The following NDFIP2 variants were observed in gnomAD, a reference collection of about 807,000 sequenced individuals.
The protein encoded by NDFIP2 is NEDD4 family-interacting protein 2.
Under a neutral mutation model 36.0 loss-of-function variants are expected in NDFIP2, and 19 were observed. That is an observed-to-expected ratio of 0.53 (90% CI 0.37 to 0.77). The LOEUF (loss-of-function observed/expected upper bound fraction) is 0.77. Among genes scored for constraint, NDFIP2 ranks in the 30% least tolerant of loss-of-function variants. NDFIP2 has a pLI of 0.00. For synonymous variants in NDFIP2, 181 were observed against 167.7 expected (o/e 1.08, Z -0.61); for missense variants, 446 against 435.8 (o/e 1.02, Z -0.21).
chr13:79,518,409 A>G (rs1003362311), intron 1 of NDFIP2, among the ~76,000 whole-genome samples: 6 of 152,240 alleles, frequency 3.9e-5, no homozygotes, highest in African/African-American at 1.4e-4. Context: ...TTAAGTTATA[A>G]TACATTCACT....
At chr13:79,487,392 A>AATGAAT (rs1873045784) in intron 1 of NDFIP2, among the ~76,000 whole-genome samples, 1 of 152,160 alleles carries the variant, frequency 6.6e-6, no homozygotes, top group Admixed American at 6.5e-5. Context: ...GTATAAATCG[A>AATGAAT]ATGAATACAC....
intron 1 of NDFIP2, among the ~76,000 whole-genome samples, chr13:79,487,302 T>C (rs1234805826): frequency 6.6e-6 from 1 of 152,230 alleles, no homozygotes; most frequent in Non-Finnish European, 1.5e-5. Context: ...GCTTCTTTCA[T>C]TCAGCATGAA....
intron 4 of NDFIP2, among the ~76,000 whole-genome samples, chr13:79,541,018 G>C (rs1354674610): frequency 1.3e-5 from 2 of 152,002 alleles, no homozygotes; most frequent in African/African-American, 4.8e-5. Flanking sequence ...TGGTTTAACT[G>C]GTAATCCTAT....
At chr13:79,526,023 A>G (rs1429242981) in intron 2 of NDFIP2, among the ~76,000 whole-genome samples, 3 of 152,342 alleles carry the variant, frequency 2.0e-5, no homozygotes, top group South Asian at 4.1e-4. Flanking sequence ...AGTGAGATCT[A>G]TAACTTATGC....
At chr13:79,529,424 C>G (rs926405368) in intron 2 of NDFIP2, among the ~76,000 whole-genome samples, 2 of 151,880 alleles carry the variant, frequency 1.3e-5, no homozygotes, top group African/African-American at 4.8e-5. Flanking sequence ...ATAATGTGTG[C>G]CATTGTTCCA....
chr13:79,528,632 T>C (rs1175727910), intron 2 of NDFIP2, among the ~76,000 whole-genome samples: 1 of 152,176 alleles, frequency 6.6e-6, no homozygotes, highest in Non-Finnish European at 1.5e-5. Context: ...GGCCACTTTA[T>C]AATATTTTAG....
chr13:79,523,794 A>G (rs1422297606), intron 2 of NDFIP2, among the ~76,000 whole-genome samples: 1 of 152,212 alleles, frequency 6.6e-6, no homozygotes, highest in East Asian at 1.9e-4. Context: ...TCTTCTGATG[A>G]TATGTCAGAA....
intron 1 of NDFIP2, among the ~76,000 whole-genome samples, chr13:79,518,580 A>G (rs1874440611): frequency 6.6e-6 from 1 of 152,210 alleles, no homozygotes; most frequent in Admixed American, 6.5e-5. Context: ...TTTCTCTTTA[A>G]GGTGATGAAA....
chr13:79,513,894 G>T lies in NDFIP2; in HGVS notation c.322-6916G>T, dbSNP rs189584154. Among the ~76,000 whole-genome samples, 6 of 152,208 alleles carry T rather than the reference G, an allele frequency of 3.9e-5. No homozygotes were observed. In the East Asian group the frequency reaches 5.8e-4, roughly 15 times the overall value. ...GAGAGTATGTTTTTGTTGATATTTT[G>T]TAAGATTTCAAGAAGCATATCTCTT... On this transcript the variant is annotated intron_variant, in intron 1 of 7. Transcript: ENST00000218652.
chr13:79,534,056 C>T (rs528274952), intron 3 of NDFIP2, among the ~76,000 whole-genome samples: 2 of 152,166 alleles, frequency 1.3e-5, no homozygotes, highest in African/African-American at 4.8e-5. Flanking sequence ...GATTTCAGGC[C>T]CCTCATGTGT....
intron 3 of NDFIP2, 138 bp downstream of exon 3, chr13:79,533,594 G>T: frequency 1.7e-6 from 1 of 588,358 alleles, no homozygotes; most frequent in Non-Finnish European, 2.7e-6. Flanking sequence ...AAACTGCACA[G>T]GTCTACTTGT....
chr13:79,508,612 T>G (rs975313623), intron 1 of NDFIP2, among the ~76,000 whole-genome samples: 7 of 152,214 alleles, frequency 4.6e-5, no homozygotes, highest in Non-Finnish European at 7.3e-5. Flanking sequence ...CAGAGGTCAC[T>G]CTCTTCGCCA....
chr13:79,493,606 T>A lies in NDFIP2; in HGVS notation c.321+12082T>A, dbSNP rs981530447. Among the ~76,000 whole-genome samples, 82 of 152,272 alleles carry A rather than the reference T, an allele frequency of 5.4e-4. No homozygotes were observed. The Middle Eastern group carries it at 0.01, about 19-fold the overall frequency. Reference sequence around the variant, plus strand: ...TTACAGAAGACTATCCGAGGGAGGTTCTGTTCAAGGTTATGCAGGAAAGCT... The same window carrying A: ...TTACAGAAGACTATCCGAGGGAGGTACTGTTCAAGGTTATGCAGGAAAGCT... On this transcript the variant is annotated intron_variant, in intron 1 of 7. Transcript: ENST00000218652.
intron 3 of NDFIP2, among the ~76,000 whole-genome samples, chr13:79,537,594 A>G (rs1875291623): frequency 6.6e-6 from 1 of 152,248 alleles, no homozygotes; most frequent in East Asian, 1.9e-4. Context: ...CCTATGATAT[A>G]TGATTGCACA....
At chr13:79,506,815 A>C (rs942763979) in intron 1 of NDFIP2, among the ~76,000 whole-genome samples, 3 of 152,132 alleles carry the variant, frequency 2.0e-5, no homozygotes, top group African/African-American at 7.2e-5. Flanking sequence ...TTTAAAAAAC[A>C]AAAATTTAAA....
At position 79,553,967 on chromosome 13, in the gene NDFIP2, TCTAA is replaced by T. The variant is rs1031842160; in HGVS notation, c.*1458_*1461del. 3.3e-5 allele frequency: 5 copies of T among 151,736 alleles called. No individual in the cohort carries two copies. Among genetic ancestry groups the T allele is most frequent in the African/African-American group, 1.2e-4 (5 of 41,430 alleles). The allele number at this position is 151,736 out of a possible 1,614,324, so 9.4% of individuals were successfully genotyped here. On this transcript the variant is annotated 3_prime_UTR_variant, in exon 8 of 8. Transcript: ENST00000218652. Reference sequence around the variant, plus strand: ...TTAGACATTACTACTAAAAGGTACATCTAACTATTCAGGGACATTTTTCCATTTC... The same window carrying T: ...TTAGACATTACTACTAAAAGGTACATCTATTCAGGGACATTTTTCCATTTC...
rs1036916222 is a variant in NDFIP2 at position 79,555,614 on chromosome 13, C to T, written c.*3101C>T. 5.9e-5 allele frequency: 9 copies of T among 151,738 alleles called. No individual in the cohort carries two copies. The highest frequency in any genetic ancestry group is 3.3e-4 in the Admixed American group (5 of 15,202). The allele number at this position is 151,738 out of a possible 1,614,324, so 9.4% of individuals were successfully genotyped here. ...TTGTATTTGAATGATTCCAGCTTAT[C>T]GTAAATACTAAACTGAATGGCTTTT... On this transcript the variant is annotated 3_prime_UTR_variant, in exon 8 of 8. Coordinates refer to ENST00000218652, the MANE Select transcript of NDFIP2 (RefSeq NM_019080.3).
At chr13:79,536,628 T>G (rs1344062565) in intron 3 of NDFIP2, among the ~76,000 whole-genome samples, 1 of 152,232 alleles carries the variant, frequency 6.6e-6, no homozygotes, top group African/African-American at 2.4e-5. Context: ...AATAGTTAAA[T>G]TCCCTGTAAT....
intron 2 of NDFIP2, among the ~76,000 whole-genome samples, chr13:79,529,109 A>G (rs1000687959): frequency 6.6e-6 from 1 of 152,174 alleles, no homozygotes; most frequent in African/African-American, 2.4e-5. Flanking sequence ...CTGCTGTGTC[A>G]GTTTTATGGA....
Sources: allele counts gnomAD v4.1 joint callset (sites outside exome capture counted in the v4.1 genomes callset), GRCh38; gene constraint gnomAD v4.1.1; transcripts MANE v1.5; gene names NCBI Gene and HGNC (gene_info 2026-07-23, HGNC 2026-07-21).